ANXA4: variants seen among roughly 807,000 people sequenced by gnomAD.
ANXA4 encodes the protein annexin A4.
In ANXA4, 39 loss-of-function variants were observed where a neutral mutation model predicts 49.8. That is an observed-to-expected ratio of 0.78 (90% confidence interval 0.61 to 1.02). The LOEUF (loss-of-function observed/expected upper bound fraction) is 1.02, where lower values mean the gene tolerates loss of function less well. ANXA4 is among the 50% of genes least tolerant of loss of function. ANXA4 has a pLI of 0.00. For missense variants in ANXA4, 360 were observed against 410.1 expected (o/e 0.88, Z 1.05); for synonymous variants, 134 against 152.5 (o/e 0.88, Z 0.89).
At chr2:69,643,829 G>A, upstream of ANXA4, 5 of 1,182,790 alleles carry the variant, frequency 4.2e-6, no homozygotes, top group Non-Finnish European at 5.2e-6. Context: ...CCCTCGGGGC[G>A]GCGCGGCGAG....
At chr2:69,822,818 T>A (rs1466145810) in intron 12 of ANXA4, among the ~76,000 whole-genome samples, 1 of 152,058 alleles carries the variant, frequency 6.6e-6, no homozygotes, top group African/African-American at 2.4e-5. Context: ...TTTGGGGTGA[T>A]GAAAGGGTTT....
At chr2:69,787,982 G>A (rs978150153) in intron 2 of ANXA4, 72 bp from the exon 3 acceptor site, 2 of 1,322,046 alleles carry the variant, frequency 1.5e-6, no homozygotes, top group South Asian at 1.2e-5. Flanking sequence ...CTCAACAAAT[G>A]TTTGCCGAAT....
At chr2:69,787,185 A>C (rs887802340) in intron 2 of ANXA4, among the ~76,000 whole-genome samples, 4 of 152,214 alleles carry the variant, frequency 2.6e-5, no homozygotes, top group African/African-American at 7.2e-5. Context: ...AAAAATGTTA[A>C]AACCAAGTCG....
At chr2:69,768,235 A>G (rs1671573039) in intron 1 of ANXA4, among the ~76,000 whole-genome samples, 1 of 152,232 alleles carries the variant, frequency 6.6e-6, no homozygotes, top group South Asian at 2.1e-4. Flanking sequence ...AAAACACATA[A>G]GCATTCAGTA....
upstream of ANXA4, among the ~76,000 whole-genome samples, chr2:69,738,174 G>C (rs141978464): frequency 0.024 from 3,724 of 152,120 alleles, 154 homozygotes; most frequent in African/African-American, 0.085. Flanking sequence ...CTAAGAGTGA[G>C]GTCTACAAAG....
chr2:69,775,961 T>TTTA (rs376392856), intron 1 of ANXA4, among the ~76,000 whole-genome samples: 2,645 of 104,554 alleles, frequency 0.025, 47 homozygotes, highest in African/African-American at 0.047. Flanking sequence ...TTTATTTTTA[T>TTTA]TTTATTTATT....
chr2:69,764,842 T>C (rs1164614952), intron 1 of ANXA4, among the ~76,000 whole-genome samples: 1 of 152,230 alleles, frequency 6.6e-6, no homozygotes, highest in African/African-American at 2.4e-5. Context: ...TATTTAGCTG[T>C]AACTCCCTCT....
chr2:69,718,847 C>CAT (rs1278514098), intron 2 of ANXA4, among the ~76,000 whole-genome samples: 1 of 152,008 alleles, frequency 6.6e-6, no homozygotes, highest in African/African-American at 2.4e-5. Context: ...CATGCACACA[C>CAT]ATACATGCAT....
chr2:69,661,263 CTT>C (rs1386628974), intron 2 of ANXA4, among the ~76,000 whole-genome samples: 2 of 149,982 alleles, frequency 1.3e-5, no homozygotes, highest in Non-Finnish European at 3.0e-5. Flanking sequence ...ACTCATAGAC[CTT>C]TCCTAAAGGA....
intron 2 of ANXA4, among the ~76,000 whole-genome samples, chr2:69,719,528 C>G (rs1468590297): frequency 6.6e-6 from 1 of 151,738 alleles, no homozygotes; most frequent in South Asian, 2.1e-4. Context: ...CAAACTCTGC[C>G]TCCCGGGTTT....
Position 69,820,757 on chromosome 2 carries a change from A to G in ANXA4, c.842A>G (p.Asp281Gly). 1 of 1,614,126 alleles carries G rather than the reference A, an allele frequency of 6.2e-7. No individual in the cohort carries two copies. The highest frequency in any genetic ancestry group is 8.5e-7 in the Non-Finnish European group (1 of 1,180,008). The change falls in exon 12 of 13, where the codon GAC (aspartate) becomes GGC (glycine). Residue 281 changes from aspartate (D) to glycine (G), a missense_variant. Asp to Gly is a moderately conservative substitution (Grantham distance 94, BLOSUM62 -1). Coordinates refer to ENST00000394295, the MANE Select transcript of ANXA4 (RefSeq NM_001153.5). ...IRVMVSRAEI[D>G]MLDIRAHFKR... ...GTGATGGTTTCTCGAGCAGAAATTGACATGTTGGATATCCGGGCACACTTC... is the reference window on the plus strand; with the variant it reads ...GTGATGGTTTCTCGAGCAGAAATTGGCATGTTGGATATCCGGGCACACTTC...
At chr2:69,681,853 T>G (rs915901835) in intron 2 of ANXA4, among the ~76,000 whole-genome samples, 6 of 152,030 alleles carry the variant, frequency 3.9e-5, no homozygotes, top group African/African-American at 1.4e-4. Flanking sequence ...TTTTTTTCCT[T>G]TGAGTCAGGG....
chr2:69,701,700 C>A (rs1678334686), intron 2 of ANXA4, among the ~76,000 whole-genome samples: 1 of 152,214 alleles, frequency 6.6e-6, no homozygotes, highest in Non-Finnish European at 1.5e-5. Flanking sequence ...ACCAATCCTG[C>A]TTACTATCCA....
intron 7 of ANXA4, 141 bp from the exon 8 acceptor site, chr2:69,812,512 C>G: frequency 1.5e-6 from 1 of 647,758 alleles, no homozygotes; most frequent in Non-Finnish European, 2.6e-6. Context: ...ATTTAGAGGA[C>G]GTCTGTCCTC....
intron 2 of ANXA4, among the ~76,000 whole-genome samples, chr2:69,656,587 C>G (rs1676507031): frequency 7.9e-6 from 1 of 126,010 alleles, no homozygotes; most frequent in Non-Finnish European, 1.6e-5. Context: ...GAGTCTTGCT[C>G]TATCCCCCAG....
chr2:69,651,958 G>A (rs986674520), intron 1 of ANXA4, among the ~76,000 whole-genome samples: 6 of 151,764 alleles, frequency 4.0e-5, no homozygotes, highest in South Asian at 2.1e-4. Flanking sequence ...GATTACAGGC[G>A]TAAACCCCCA....
chr2:69,678,859 C>G (rs1573093442), intron 2 of ANXA4, among the ~76,000 whole-genome samples: 1 of 152,130 alleles, frequency 6.6e-6, no homozygotes, highest in South Asian at 2.1e-4. Flanking sequence ...AAAAAGTTGT[C>G]TGTTGTTTTA....
chr2:69,710,075 C>A, intron 2 of ANXA4, among the ~76,000 whole-genome samples: 1 of 150,722 alleles, frequency 6.6e-6, no homozygotes, highest in South Asian at 2.1e-4. Flanking sequence ...GCAACCTCCA[C>A]CTTCCAGGTT....
chr2:69,725,430 T>C (rs1669938689), intron 3 of ANXA4, among the ~76,000 whole-genome samples: 1 of 149,556 alleles, frequency 6.7e-6, no homozygotes, highest in Admixed American at 6.7e-5. Flanking sequence ...ATTTATTTAT[T>C]GTATATTTAT....
Sources: gnomAD v4.1 joint callset for allele counts (sites outside exome capture counted in the v4.1 genomes callset) on GRCh38, gnomAD v4.1.1 for gene constraint, MANE v1.5 for transcripts, NCBI Gene and HGNC (gene_info 2026-07-23, HGNC 2026-07-21) for gene names.